Variants in SLC9A9 observed in about 807,000 individuals in gnomAD.
SLC9A9 encodes solute carrier family 9 member A9.
SLC9A9 carries 62 observed loss-of-function variants against 77.8 expected under a neutral mutation model. The observed-to-expected ratio is 0.80, with a 90% CI of 0.65 to 0.98. The LOEUF is 0.98. Ranked by LOEUF, SLC9A9 falls within the 50% of genes least tolerant of loss-of-function variation. SLC9A9 has a pLI of 0.00. For missense variants in SLC9A9, 775 were observed against 774.9 expected (o/e 1.00, Z 0.00); for synonymous variants, 320 against 283.5 (o/e 1.13, Z -1.29).
At chr3:143,611,115 GA>G (rs1322546277) in intron 6 of SLC9A9, among the ~76,000 whole-genome samples, 1 of 151,740 alleles carries the variant, frequency 6.6e-6, no homozygotes, top group Non-Finnish European at 1.5e-5. Context: ...AAAAATTTCA[GA>G]AAAACAAAAA....
intron 14 of SLC9A9, among the ~76,000 whole-genome samples, chr3:143,360,791 T>G (rs1463001391): frequency 1.3e-5 from 2 of 152,228 alleles, no homozygotes; most frequent in East Asian, 3.8e-4. Context: ...AATTCAGTGA[T>G]GTGATTATTA....
chr3:143,555,547 C>G (rs1356040854), intron 8 of SLC9A9, among the ~76,000 whole-genome samples: 1 of 152,188 alleles, frequency 6.6e-6, no homozygotes, highest in Non-Finnish European at 1.5e-5. Flanking sequence ...TCAAGGTCAC[C>G]TCTAAAGTGA....
intron 6 of SLC9A9, among the ~76,000 whole-genome samples, chr3:143,636,802 A>G (rs2038530826): frequency 6.6e-6 from 1 of 152,212 alleles, no homozygotes; most frequent in Non-Finnish European, 1.5e-5. Flanking sequence ...GCCTGACAAC[A>G]TGCAGAGTAC....
chr3:143,705,967 C>T (rs1933960978), intron 4 of SLC9A9, among the ~76,000 whole-genome samples: 1 of 152,186 alleles, frequency 6.6e-6, no homozygotes, highest in Non-Finnish European at 1.5e-5. Context: ...TACGAGAGGT[C>T]AGATCATATC....
At chr3:143,801,319 G>A (rs1482338616) in intron 2 of SLC9A9, among the ~76,000 whole-genome samples, 2 of 152,174 alleles carry the variant, frequency 1.3e-5, no homozygotes, top group African/African-American at 2.4e-5. Context: ...TGCAGCGGCT[G>A]CCACTGCCCT....
intron 4 of SLC9A9, among the ~76,000 whole-genome samples, chr3:143,772,072 G>C (rs1195797197): frequency 6.8e-6 from 1 of 147,072 alleles, no homozygotes; most frequent in African/African-American, 2.5e-5. Flanking sequence ...GACAATGGGA[G>C]GGGGGTGAGC....
At chr3:143,478,459 G>A (rs2035519224) in intron 11 of SLC9A9, among the ~76,000 whole-genome samples, 1 of 152,160 alleles carries the variant, frequency 6.6e-6, no homozygotes, top group African/African-American at 2.4e-5. Context: ...GGCAGAGTCA[G>A]CAGGAGGCTG....
chr3:143,573,975 T>C (rs1174814568), intron 8 of SLC9A9, 113 bp downstream of exon 8: 6 of 858,022 alleles, frequency 7.0e-6, no homozygotes, highest in African/African-American at 3.4e-5. Flanking sequence ...ACCATTCACA[T>C]GCACTATTTA....
At chr3:143,620,868 G>A (rs1207465071) in intron 6 of SLC9A9, among the ~76,000 whole-genome samples, 2 of 152,094 alleles carry the variant, frequency 1.3e-5, no homozygotes, top group Non-Finnish European at 2.9e-5. Flanking sequence ...TTTCCTAGTC[G>A]AAGAAAGGGG....
chr3:143,728,226 T>G lies in SLC9A9; in HGVS notation c.534-34919A>C, dbSNP rs78673861. 5.0e-3 allele frequency among the ~76,000 whole-genome samples: 766 copies of G among 152,298 alleles called. 11 individuals are homozygous for G. The highest frequency in any genetic ancestry group is 0.018 in the African/African-American group (743 of 41,550). On this transcript the variant is annotated intron_variant, in intron 4 of 15. Transcript: ENST00000316549. ...GACCAAGAGAGGAGGCAGTCATGAC[T>G]TGTGGTGAGGACACTGGAGAAAACG...
chr3:143,533,583 C>G (rs1449862220), intron 9 of SLC9A9, among the ~76,000 whole-genome samples: 3 of 152,126 alleles, frequency 2.0e-5, no homozygotes, highest in African/African-American at 7.2e-5. Flanking sequence ...CACAGCAAAG[C>G]TGACCTTTGT....
chr3:143,619,233 T>C (rs1008452686), intron 6 of SLC9A9, among the ~76,000 whole-genome samples: 2 of 152,196 alleles, frequency 1.3e-5, no homozygotes, highest in Non-Finnish European at 2.9e-5. Flanking sequence ...ATAAAGATTA[T>C]ACAGTTTCTC....
At chr3:143,685,097 T>C (rs1261721090) in intron 5 of SLC9A9, among the ~76,000 whole-genome samples, 2 of 152,116 alleles carry the variant, frequency 1.3e-5, no homozygotes, top group Non-Finnish European at 2.9e-5. Flanking sequence ...AAGCCACATA[T>C]GTAATTTTAA....
chr3:143,372,009 C>T (rs182038082), intron 13 of SLC9A9: 18 of 425,590 alleles, frequency 4.2e-5, no homozygotes, highest in Admixed American at 3.9e-4. Context: ...TATACTTAAC[C>T]AAGGAGGTGA....
intron 6 of SLC9A9, among the ~76,000 whole-genome samples, chr3:143,638,849 A>G (rs907565669): frequency 1.2e-4 from 19 of 152,232 alleles, no homozygotes; most frequent in African/African-American, 4.3e-4. Context: ...GAGCCCACAT[A>G]AAACTGGCAA....
intron 2 of SLC9A9, among the ~76,000 whole-genome samples, chr3:143,797,699 C>A (rs1362122445): frequency 6.6e-6 from 1 of 152,144 alleles, no homozygotes; most frequent in Non-Finnish European, 1.5e-5. Context: ...CTTCTCCTGG[C>A]TCATCCTGGC....
chr3:143,673,413 T>C (rs2039189906), intron 5 of SLC9A9, among the ~76,000 whole-genome samples: 1 of 152,150 alleles, frequency 6.6e-6, no homozygotes, highest in South Asian at 2.1e-4. Flanking sequence ...AAGGTATAGA[T>C]GGTGACTTAG....
At chr3:143,655,466 C>A in intron 5 of SLC9A9, 1 of 985,268 alleles carries the variant, frequency 1.0e-6, no homozygotes, top group Middle Eastern at 5.2e-4. Flanking sequence ...TTTTATCAGA[C>A]AATTTGGTCA....
At chr3:143,638,651 TA>T (rs2038569189) in intron 6 of SLC9A9, among the ~76,000 whole-genome samples, 1 of 152,214 alleles carries the variant, frequency 6.6e-6, no homozygotes, top group Non-Finnish European at 1.5e-5. Flanking sequence ...ACCAATATTT[TA>T]AAGCTATTAA....
Sources: gnomAD v4.1 joint callset for allele counts (sites outside exome capture counted in the v4.1 genomes callset) on GRCh38, gnomAD v4.1.1 for gene constraint, MANE v1.5 for transcripts, NCBI Gene and HGNC (gene_info 2026-07-23, HGNC 2026-07-21) for gene names.